VEGFC: variants seen among roughly 807,000 people sequenced by gnomAD.
VEGFC encodes FLT4 ligand DHM.
VEGFC carries 12 observed loss-of-function variants against 46.1 expected under a neutral mutation model. The ratio of observed to expected loss-of-function variants is 0.26; its 90% CI spans 0.17 to 0.42. The LOEUF is 0.42. Ranked by LOEUF, VEGFC falls within the 10% of genes least tolerant of loss-of-function variation. VEGFC has a pLI of 1.00. For synonymous variants in VEGFC, 232 were observed against 195.5 expected (o/e 1.19, Z -1.56); for missense variants, 488 against 529.4 (o/e 0.92, Z 0.77).
intron 1 of VEGFC, among the ~76,000 whole-genome samples, chr4:176,739,206 G>A (rs948901227): frequency 6.6e-6 from 1 of 151,528 alleles, no homozygotes; most frequent in Non-Finnish European, 1.5e-5. Flanking sequence ...CTGTTTGTGG[G>A]AGTATTAATT....
At chr4:176,791,401 C>T (rs956288567) in intron 1 of VEGFC, among the ~76,000 whole-genome samples, 1 of 152,042 alleles carries the variant, frequency 6.6e-6, no homozygotes, top group African/African-American at 2.4e-5. Context: ...AATCAGGATG[C>T]CTCAAAAGTA....
intron 1 of VEGFC, among the ~76,000 whole-genome samples, chr4:176,780,307 G>A (rs919761620): frequency 4.1e-5 from 6 of 146,670 alleles, no homozygotes; most frequent in South Asian, 2.2e-4. Flanking sequence ...GCTTGAACCC[G>A]GGAGGCGGAG....
At chr4:176,698,595 G>A (rs1234096631) in intron 4 of VEGFC, among the ~76,000 whole-genome samples, 1 of 152,006 alleles carries the variant, frequency 6.6e-6, no homozygotes, top group African/African-American at 2.4e-5. Context: ...TGTGTGTGGG[G>A]GAGTTGGGGG....
intron 3 of VEGFC, among the ~76,000 whole-genome samples, chr4:176,722,624 G>A (rs555600871): frequency 1.0e-3 from 156 of 150,480 alleles, no homozygotes; most frequent in African/African-American, 2.6e-3. Flanking sequence ...GCTACCTCCC[G>A]CGTAGCTGGG....
intron 4 of VEGFC, among the ~76,000 whole-genome samples, chr4:176,692,116 C>A (rs117452501): frequency 1.3e-5 from 2 of 151,188 alleles, no homozygotes; most frequent in African/African-American, 4.9e-5. Context: ...GCGCACCGGC[C>A]CGGCGCGGTG....
At chr4:176,690,963 T>C (rs1734165986) in intron 4 of VEGFC, among the ~76,000 whole-genome samples, 2 of 152,154 alleles carry the variant, frequency 1.3e-5, no homozygotes, top group South Asian at 4.1e-4. Flanking sequence ...ATGAAATCAA[T>C]GACATGGGCT....
At chr4:176,730,191 T>G (rs115674333) in intron 1 of VEGFC, among the ~76,000 whole-genome samples, 1 of 152,178 alleles carries the variant, frequency 6.6e-6, no homozygotes, top group African/African-American at 2.4e-5. Flanking sequence ...GTAGGAATTT[T>G]ACTTTCATGG....
chr4:176,686,249 AACGTTAAAC>A (rs781293886), intron 6 of VEGFC, among the ~76,000 whole-genome samples: 8 of 152,202 alleles, frequency 5.3e-5, no homozygotes, highest in African/African-American at 7.2e-5. Flanking sequence ...AGGCCAATGA[AACGTTAAAC>A]AGAGGTTTAA....
intron 1 of VEGFC, among the ~76,000 whole-genome samples, chr4:176,752,780 CA>C (rs1222794569): frequency 1.3e-5 from 2 of 151,958 alleles, no homozygotes; most frequent in East Asian, 3.9e-4. Context: ...CTAATAAAAT[CA>C]GGGGGGCTAT....
chr4:176,749,153 A>G (rs116442137), intron 1 of VEGFC, among the ~76,000 whole-genome samples: 2,270 of 152,076 alleles, frequency 0.015, 34 homozygotes, highest in Middle Eastern at 0.037. Flanking sequence ...GGGAAGACTC[A>G]AAGATGTTGA....
At chr4:176,715,516 C>A (rs977964129) in intron 3 of VEGFC, among the ~76,000 whole-genome samples, 15 of 152,104 alleles carry the variant, frequency 9.9e-5, no homozygotes, top group African/African-American at 3.4e-4. Flanking sequence ...GCTCTTGTCA[C>A]ATACTAAAGA....
chr4:176,694,546 C>A (rs1318280707), intron 4 of VEGFC, among the ~76,000 whole-genome samples: 1 of 151,920 alleles, frequency 6.6e-6, no homozygotes, highest in African/African-American at 2.4e-5. Flanking sequence ...CTTTAACACC[C>A]ACTGTCAACA....
chr4:176,738,433 C>CA (rs981896157), intron 1 of VEGFC, among the ~76,000 whole-genome samples: 2 of 151,914 alleles, frequency 1.3e-5, no homozygotes, highest in African/African-American at 4.8e-5. Flanking sequence ...ACAAACCTGA[C>CA]AAAAATAAAC....
intron 1 of VEGFC, among the ~76,000 whole-genome samples, chr4:176,783,969 T>C (rs1050646478): frequency 6.6e-6 from 1 of 152,176 alleles, no homozygotes; most frequent in Non-Finnish European, 1.5e-5. Flanking sequence ...TTGTTTGTTT[T>C]CTGATCATGA....
intron 4 of VEGFC, among the ~76,000 whole-genome samples, chr4:176,703,547 G>A (rs1236487859): frequency 6.6e-6 from 1 of 151,952 alleles, no homozygotes; most frequent in Non-Finnish European, 1.5e-5. Flanking sequence ...GAAGAAACAA[G>A]TTCTAGTATT....
chr4:176,718,894 T>C (rs1051442478), intron 3 of VEGFC, among the ~76,000 whole-genome samples: 12 of 152,154 alleles, frequency 7.9e-5, no homozygotes, highest in African/African-American at 2.9e-4. Context: ...CCCTGCAAAA[T>C]TCATTTTCTA....
chr4:176,711,357 C>G, intron 4 of VEGFC, 142 bp downstream of exon 4: 1 of 989,086 alleles, frequency 1.0e-6, no homozygotes, highest in Non-Finnish European at 1.4e-6. Flanking sequence ...GTATACTATA[C>G]AAAATTTTGT....
intron 1 of VEGFC, among the ~76,000 whole-genome samples, chr4:176,781,912 C>T (rs1360621272): frequency 6.6e-6 from 1 of 152,198 alleles, no homozygotes; most frequent in Non-Finnish European, 1.5e-5. Context: ...CTTCCCATAC[C>T]CTATTCAATT....
chr4:176,780,381 C>CA (rs1252541684), intron 1 of VEGFC, among the ~76,000 whole-genome samples: 29 of 12,234 alleles, frequency 2.4e-3, no homozygotes, highest in South Asian at 4.2e-3. Flanking sequence ...GACTCCATCT[C>CA]AAAAAAAAAA....
Sources: allele counts gnomAD v4.1 joint callset (sites outside exome capture counted in the v4.1 genomes callset), GRCh38; gene constraint gnomAD v4.1.1; transcripts MANE v1.5; gene names NCBI Gene and HGNC (gene_info 2026-07-23, HGNC 2026-07-21).